Variants in FRMD4A observed in about 807,000 individuals in gnomAD.
The protein encoded by FRMD4A is FERM domain containing 4A, also known as FERM domain-containing protein 4A.
In FRMD4A, 29 loss-of-function variants were observed where a neutral mutation model predicts 129.1. That is an observed-to-expected ratio of 0.22 (90% CI 0.17 to 0.31). The LOEUF is 0.31. Ranked by LOEUF, FRMD4A falls within the 10% of genes least tolerant of loss-of-function variation. FRMD4A has a pLI of 1.00. For missense variants in FRMD4A, 1,272 were observed against 1,375.8 expected, an observed-to-expected ratio of 0.92 and a Z score of 1.19; for synonymous variants, 634 against 571.6, an observed-to-expected ratio of 1.11 and a Z score of -1.56.
At chr10:14,327,450 A>G (rs1275395208) in intron 2 of FRMD4A, among the ~76,000 whole-genome samples, 1 of 152,232 alleles carries the variant, frequency 6.6e-6, no homozygotes, top group African/African-American at 2.4e-5. Context: ...GAACCTAGAC[A>G]TCAGAGAGCA....
rs140040052 is a variant in FRMD4A, at chr10:13,902,456, G to GGAGAGAGAGAGAGAGAGAGAGAGAGAGA, written c.46-43572_46-43545dup. Among the ~76,000 whole-genome samples the GGAGAGAGAGAGAGAGAGAGAGAGAGAGA allele has an allele frequency of 1.1e-4, 14 of 127,776 alleles. 1 individual carries two copies. The highest frequency in any genetic ancestry group is 1.8e-4 in the Non-Finnish European group (11 of 61,730). 83.8% of individuals were successfully genotyped at this position (127,776 alleles called of 152,430 possible). A position where few individuals can be genotyped will look rare whatever the true frequency, so the allele number is the denominator to read the frequency against. The stretch of plus-strand genomic sequence containing the variant: ...GAAATTGATGGTTAGGCAAAATACT[G>GGAGAGAGAGAGAGAGAGAGAGAGAGAGA]GAGAGAGAGAGAGAGAGAGAGAGAG... On this transcript the variant is annotated intron_variant, in intron 2 of 24. Coordinates refer to ENST00000357447, the MANE Select transcript of FRMD4A (RefSeq NM_018027.5).
At chr10:13,751,047 C>G (rs1286436017) in intron 8 of FRMD4A, among the ~76,000 whole-genome samples, 1 of 152,200 alleles carries the variant, frequency 6.6e-6, no homozygotes, top group African/African-American at 2.4e-5. Flanking sequence ...GCACTTTTCT[C>G]AGATCAACTT....
chr10:13,883,976 G>A (rs575777642), intron 2 of FRMD4A, among the ~76,000 whole-genome samples: 2 of 152,168 alleles, frequency 1.3e-5, no homozygotes, highest in Admixed American at 1.3e-4. Context: ...TTAACATTTA[G>A]AAGGTTATTA....
In FRMD4A at chr10:14,297,069, A is replaced by G. The variant is rs534613662; in HGVS notation, c.45+32989T>C. Reference sequence around the variant, plus strand: ...TGAAACCTATTTGTCATCTCCCACCAAAAACAATCCTGCCAGATCCAGAGA... The same window carrying G: ...TGAAACCTATTTGTCATCTCCCACCGAAAACAATCCTGCCAGATCCAGAGA... On this transcript the variant is annotated intron_variant, in intron 2 of 24. Transcript: ENST00000357447. 2.6e-5 allele frequency among the ~76,000 whole-genome samples: 4 copies of G among 152,238 alleles called. No individual in the cohort carries two copies. In the South Asian group the frequency reaches 8.3e-4, roughly 32 times the overall value.
chr10:14,197,622 A>C (rs1045988685), intron 2 of FRMD4A, among the ~76,000 whole-genome samples: 1 of 152,136 alleles, frequency 6.6e-6, no homozygotes, highest in South Asian at 2.1e-4. Flanking sequence ...CTGCCTCCCA[A>C]AGTGCTGGGA....
chr10:13,891,967 C>T (rs1420258065), intron 2 of FRMD4A, among the ~76,000 whole-genome samples: 3 of 150,386 alleles, frequency 2.0e-5, no homozygotes, highest in African/African-American at 7.3e-5. Context: ...AGGCGGCCAC[C>T]GCGCGCCACC....
intron 2 of FRMD4A, among the ~76,000 whole-genome samples, chr10:13,995,197 A>G (rs1001167406): frequency 1.3e-5 from 2 of 152,216 alleles, no homozygotes; most frequent in East Asian, 3.8e-4. Context: ...AGTCCCGAAG[A>G]TATTTTTGTT....
chr10:13,908,558 A>G (rs977049592), intron 2 of FRMD4A, among the ~76,000 whole-genome samples: 27 of 152,354 alleles, frequency 1.8e-4, no homozygotes, highest in Admixed American at 1.6e-3. Context: ...ATTGGATTCC[A>G]TGGTGCAAAT....
intron 2 of FRMD4A, among the ~76,000 whole-genome samples, chr10:13,889,677 C>T (rs1315972006): frequency 6.6e-6 from 1 of 152,216 alleles, no homozygotes; most frequent in Admixed American, 6.5e-5. Flanking sequence ...GCAGATCACA[C>T]TTGGTCAGAA....
chr10:14,266,585 ATC>A lies in FRMD4A; in HGVS notation c.45+63471_45+63472del, dbSNP rs553016943. Among the ~76,000 whole-genome samples, 414 of 152,166 alleles carry A rather than the reference ATC, an allele frequency of 2.7e-3. 2 individuals are homozygous for A. Among genetic ancestry groups the A allele is most frequent in the African/African-American group, 9.4e-3 (389 of 41,502 alleles). ...ACTCAGAAAAACATAAAGCAGAAAA[ATC>A]TGTTTGAAAAATGTTTCCCCAAAAG... On this transcript the variant is annotated intron_variant, in intron 2 of 24. Transcript: ENST00000357447.
chr10:14,291,124 C>A (rs1215547473), intron 2 of FRMD4A, among the ~76,000 whole-genome samples: 2 of 152,052 alleles, frequency 1.3e-5, no homozygotes, highest in Admixed American at 6.5e-5. Context: ...TTCCTATTTT[C>A]AATTTTTATA....
At chr10:14,317,353 C>A (rs147366288) in intron 2 of FRMD4A, among the ~76,000 whole-genome samples, 2 of 152,276 alleles carry the variant, frequency 1.3e-5, no homozygotes, top group African/African-American at 4.8e-5. Context: ...TATGCTGTTC[C>A]CTGTACCTGG....
intron 2 of FRMD4A, among the ~76,000 whole-genome samples, chr10:14,285,541 T>G (rs1172704909): frequency 2.0e-5 from 3 of 152,250 alleles, no homozygotes; most frequent in Non-Finnish European, 2.9e-5. Context: ...CTCCCAACAC[T>G]GCAGCTTCAG....
At chr10:13,848,315 C>T (rs1198508966) in intron 3 of FRMD4A, among the ~76,000 whole-genome samples, 3 of 152,138 alleles carry the variant, frequency 2.0e-5, no homozygotes, top group Non-Finnish European at 4.4e-5. Flanking sequence ...CTTTTTTTCT[C>T]TCTCCCTTTA....
intron 2 of FRMD4A, among the ~76,000 whole-genome samples, chr10:14,069,882 C>A (rs765714457): frequency 5.3e-5 from 8 of 152,098 alleles, no homozygotes; most frequent in Non-Finnish European, 1.2e-4. Flanking sequence ...CTTTATTTGC[C>A]TTTCTAACTT....
intron 8 of FRMD4A, among the ~76,000 whole-genome samples, chr10:13,753,733 T>C (rs2091736772): frequency 1.3e-5 from 2 of 152,068 alleles, no homozygotes; most frequent in Non-Finnish European, 2.9e-5. Context: ...TTTGTAGAGA[T>C]GAGGTCTCAC....
At chr10:13,863,547 G>A (rs565939498) in intron 2 of FRMD4A, among the ~76,000 whole-genome samples, 13 of 152,192 alleles carry the variant, frequency 8.5e-5, no homozygotes, top group East Asian at 3.9e-4. Context: ...CCAAGATTGC[G>A]CCACTGTATT....
chr10:13,830,694 G>C (rs1054435360), intron 3 of FRMD4A, among the ~76,000 whole-genome samples: 3 of 152,212 alleles, frequency 2.0e-5, no homozygotes, highest in Non-Finnish European at 4.4e-5. Flanking sequence ...GGGAGGTGTA[G>C]AGAAATGGGA....
chr10:13,951,408 T>C (rs1024895062), intron 2 of FRMD4A, among the ~76,000 whole-genome samples: 1 of 151,922 alleles, frequency 6.6e-6, no homozygotes, highest in Non-Finnish European at 1.5e-5. Context: ...TAAGTTTGAA[T>C]GCAGACTCAA....
Sources: gnomAD v4.1 joint callset for allele counts (sites outside exome capture counted in the v4.1 genomes callset) on GRCh38, gnomAD v4.1.1 for gene constraint, MANE v1.5 for transcripts, NCBI Gene and HGNC (gene_info 2026-07-23, HGNC 2026-07-21) for gene names.